Variants in SYT8 observed in about 807,000 individuals in gnomAD.
SYT8 encodes the protein synaptotagmin 8, also known as synaptotagmin-8.
In SYT8, 50 loss-of-function variants were observed where a neutral mutation model predicts 34.9. The observed-to-expected ratio is 1.43, with a 90% CI of 1.14 to 1.81. SYT8 has a LOEUF of 1.81. Among genes scored for constraint, SYT8 ranks in the 40% most tolerant of loss-of-function variants. SYT8 has a pLI of 0.00. For synonymous variants in SYT8, 255 were observed against 234.2 expected, an observed-to-expected ratio of 1.09 and a Z score of -0.81; for missense variants, 595 against 529.0, an observed-to-expected ratio of 1.12 and a Z score of -1.22.
rs574069606 is a variant in SYT8, at chr11:1,835,038, C to T, written c.-68C>T. The T allele has an allele frequency of 2.3e-4, 345 of 1,527,000 alleles. 4 individuals carry two copies. Among genetic ancestry groups the T allele is most frequent in the South Asian group, 1.5e-3 (136 of 88,348 alleles). 94.6% of individuals were successfully genotyped at this position (1,527,000 alleles called of 1,614,324 possible). On this transcript the variant is annotated 5_prime_UTR_variant, in exon 1 of 8. Coordinates refer to ENST00000341958, the MANE Select transcript of SYT8 (RefSeq NM_001394072.1). ...GTCAGATGGGGTAGCGGGCAGGGGC[C>T]GGAGGGGCCACCCTCCCAGCTGACC...
At chr11:1,834,494 C>T (rs1338813818), upstream of SYT8, 37 of 1,397,268 alleles carry the variant, frequency 2.6e-5, no homozygotes, top group South Asian at 3.7e-5. This position sits in a 1 kb window ranked among gnomAD's most constrained non-coding sequence, Gnocchi z 4.5. Context: ...TGAGCTCCGC[C>T]GACAGCCAGC....
At chr11:1,833,206 C>T (rs1002945694), upstream of SYT8, among the ~76,000 whole-genome samples, 1 of 152,170 alleles carries the variant, frequency 6.6e-6, no homozygotes, top group African/African-American at 2.4e-5. Context: ...CCGCCAGCCA[C>T]GTGTGGGACG....
chr11:1,834,787 C>T, upstream of SYT8: 1 of 718,226 alleles, frequency 1.4e-6, no homozygotes, highest in Non-Finnish European at 2.4e-6. This position sits in a 1 kb window ranked among gnomAD's most constrained non-coding sequence, Gnocchi z 4.5. Flanking sequence ...CAAGGGTGCT[C>T]TGAGGTCCGG....
Position 1,835,388 on chromosome 11 carries a change from C to G in SYT8, c.187C>G (p.His63Asp). The G allele has an allele frequency of 6.2e-7, 1 of 1,609,024 alleles. No individual in the cohort carries two copies. The highest frequency in any genetic ancestry group is 8.5e-7 in the Non-Finnish European group (1 of 1,179,372). Residue 63 changes from histidine to aspartate, a missense_variant, in exon 2 of 8, where the codon CAC (histidine) becomes GAC (aspartate). His to Asp is a moderately conservative substitution (Grantham distance 81). Transcript: ENST00000341958. ...TGCTGCCTGCTGCTGCTGCCGCCGCCACAGGAAGAAGCCCAGGGACAAGGA... is the reference window on the plus strand; with the variant it reads ...TGCTGCCTGCTGCTGCTGCCGCCGCGACAGGAAGAAGCCCAGGGACAAGGA... ...LCAACCCCRR[H>D]RKKPRDKESV... is the part of the protein sequence containing the mutation.
Position 1,837,305 on chromosome 11 carries a change from A to T in SYT8, c.1038A>T (p.Ala346=). ...CGGGGCAGCCCCTGCAGCACTGGGC[A>T]GACATGCTGGCCCACGCCCGGCGGC... ...RASGQPLQHW[A]DMLAHARRPI... The change falls in exon 8 of 8, where the codon GCA becomes GCT. Residue 346 remains alanine (A), a synonymous_variant. Coordinates refer to ENST00000341958, the MANE Select transcript of SYT8 (RefSeq NM_001394072.1). The T allele has an allele frequency of 6.3e-7, 1 of 1,592,310 alleles. No homozygotes were observed. Among genetic ancestry groups the T allele is most frequent in the South Asian group, 1.1e-5 (1 of 90,006 alleles).
At chr11:1,834,960 G>T, upstream of SYT8, 1 of 778,878 alleles carries the variant, frequency 1.3e-6, no homozygotes. This position sits in a 1 kb window ranked among gnomAD's most constrained non-coding sequence, Gnocchi z 4.5. Context: ...CCTCGCCCCT[G>T]GCCACCCCGT....
upstream of SYT8, chr11:1,834,845 T>C: frequency 1.6e-6 from 1 of 630,636 alleles, no homozygotes; most frequent in Non-Finnish European, 2.8e-6. The surrounding 1 kb of genome is among the most constrained non-coding windows in gnomAD (Gnocchi z 4.5). Context: ...TGGCTGGGGC[T>C]GGGGGCTGCT....
rs1278907236 is a variant in SYT8 at position 1,835,464 on chromosome 11, G to A, written c.258+5G>A. 3 of 1,609,070 alleles carry A rather than the reference G, an allele frequency of 1.9e-6. No homozygotes were observed. The African/African-American group carries it at 4.0e-5, about 21-fold the overall frequency. On this transcript the variant is annotated splice_donor_5th_base_variant and intron_variant, in intron 2 of 7. Transcript: ENST00000341958. ...GGCACCACCACCACCCACCTGGTGA[G>A]GAGCGGCTCCTTGCTCACTCAGTCC...
In SYT8 at chr11:1,837,353, G is replaced by T; in HGVS notation, c.1086G>T (p.Leu362=). ...ARRPIAQRHP[L]RPAREVDRML... ...GGCCCATTGCCCAGCGGCACCCCCTGCGGCCAGCCAGGGAGGTGGACCGCA... is the reference window on the plus strand; with the variant it reads ...GGCCCATTGCCCAGCGGCACCCCCTTCGGCCAGCCAGGGAGGTGGACCGCA... The change falls in exon 8 of 8, where the codon CTG becomes CTT. Residue 362 remains leucine, a synonymous_variant. Coordinates refer to ENST00000341958, the MANE Select transcript of SYT8 (RefSeq NM_001394072.1). 1 of 1,595,062 alleles carries T rather than the reference G, an allele frequency of 6.3e-7. No individual in the cohort carries two copies.
upstream of SYT8, among the ~76,000 whole-genome samples, chr11:1,833,089 C>G: frequency 6.6e-6 from 1 of 152,220 alleles, no homozygotes; most frequent in Non-Finnish European, 1.5e-5. Context: ...CCTTGAAACT[C>G]CACGTAGGGA....
At position 1,835,984 on chromosome 11, in the gene SYT8, G is replaced by A. The variant is rs755612356; in HGVS notation, c.357G>A (p.Glu119=). 2 of 1,606,090 alleles carry A rather than the reference G, an allele frequency of 1.2e-6. No homozygotes were observed. Among genetic ancestry groups the A allele is most frequent in the South Asian group, 2.2e-5 (2 of 90,210 alleles). ...TGGAGTTCGACTTTGGAAGCCAGGA[G>A]GTGAAGGGCCCCGCTGCGCAGGACC... is the stretch of plus-strand genomic sequence containing the variant. ...LSLEFDFGSQ[E]IRVGLRQAAD... Residue 119 remains glutamate, a splice_region_variant and synonymous_variant, in exon 3 of 8, where the codon GAG becomes GAA. Transcript: ENST00000341958.
Position 1,836,141 on chromosome 11 carries a change from A to C in SYT8, c.373A>C (p.Arg125=). 1 of 1,505,544 alleles carries C rather than the reference A, an allele frequency of 6.6e-7. No homozygotes were observed. The highest frequency in any genetic ancestry group is 8.9e-7 in the Non-Finnish European group (1 of 1,127,628). 93.3% of individuals were successfully genotyped at this position (1,505,544 alleles called of 1,614,324 possible). A position where few individuals can be genotyped will look rare whatever the true frequency, so the allele number is the denominator to read the frequency against. The stretch of plus-strand genomic sequence containing the variant: ...TGGCTCCCAGATCAGGGTGGGCCTG[A>C]GGCAGGCAGCCGACCTGAGGCCTGG... ...FGSQEIRVGL[R]QAADLRPGGT... Residue 125 remains arginine, a synonymous_variant, in exon 4 of 8, where the codon AGG becomes CGG. Transcript: ENST00000341958.
upstream of SYT8, chr11:1,834,444 G>A (rs540817217): frequency 1.6e-4 from 136 of 863,330 alleles, 1 homozygote; most frequent in South Asian, 1.8e-3. This position sits in a 1 kb window ranked among gnomAD's most constrained non-coding sequence, Gnocchi z 4.5. Flanking sequence ...GCGGCCCTGA[G>A]CCCCTGCCAG....
Position 1,835,190 on chromosome 11 carries a change from G to A in SYT8, c.85G>A (p.Gly29Arg), listed in dbSNP as rs760439196. The A allele has an allele frequency of 8.1e-6, 13 of 1,613,242 alleles. No individual in the cohort carries two copies. The highest frequency in any genetic ancestry group is 9.3e-6 in the Non-Finnish European group (11 of 1,179,878). ...TGGGCTTATTCCAGACCTTGTCGCC[G>A]GGACCCCCTGTGAGTTGTGGGATTC... is the stretch of plus-strand genomic sequence containing the variant. ...IPGLIPDLVA[G>R]TPWPRWALIA... Residue 29 changes from glycine (G) to arginine (R), a missense_variant, in exon 1 of 8, where the codon GGG becomes AGG. By Grantham distance (125) the Gly-to-Arg change is moderately radical (BLOSUM62 -2). Transcript: ENST00000341958.
At chr11:1,834,926 C>T (rs1173374805), upstream of SYT8, 3 of 656,210 alleles carry the variant, frequency 4.6e-6, no homozygotes, top group African/African-American at 5.5e-5. The surrounding 1 kb of genome is among the most constrained non-coding windows in gnomAD (Gnocchi z 4.5). Context: ...GCCTCCCTCC[C>T]TTCAGCTTCC....
intron 3 of SYT8, 59 bp downstream of exon 3, chr11:1,836,043 G>C: frequency 6.3e-7 from 1 of 1,584,548 alleles, no homozygotes; most frequent in Non-Finnish European, 8.6e-7. Flanking sequence ...AGGGTGACGG[G>C]GGAAGGGCAG....
chr11:1,835,790 G>T (rs781055658), intron 2 of SYT8, 96 bp from the exon 3 acceptor site: 413 of 1,109,544 alleles, frequency 3.7e-4, no homozygotes, highest in Non-Finnish European at 4.9e-4. Flanking sequence ...GAGGCGGGGG[G>T]TCTTGACCCA....
Position 1,837,513 on chromosome 11 carries a change from C to T in SYT8, c.*82C>T, listed in dbSNP as rs529972046. On this transcript the variant is annotated 3_prime_UTR_variant, in exon 8 of 8. Coordinates refer to ENST00000341958, the MANE Select transcript of SYT8 (RefSeq NM_001394072.1). ...GCAGGACCACTGCAATAAACGCCTT[C>T]TCCTGCCACTGTGTGTCCGGCTGGA... 3.2e-6 allele frequency: 5 copies of T among 1,547,262 alleles called. No homozygotes were observed. The South Asian group carries it at 3.5e-5, about 11-fold the overall frequency.
rs1846908736 is a variant in SYT8 at position 1,836,154 on chromosome 11, A to G, written c.386A>G (p.Asp129Gly). 12 of 1,509,492 alleles carry G rather than the reference A, an allele frequency of 7.9e-6. No individual in the cohort carries two copies. Among genetic ancestry groups the G allele is most frequent in the Non-Finnish European group, 1.1e-5 (12 of 1,130,186 alleles). 93.5% of individuals were successfully genotyped at this position (1,509,492 alleles called of 1,614,324 possible). Residue 129 changes from aspartate (D) to glycine (G), a missense_variant, in exon 4 of 8, where the codon GAC (aspartate) becomes GGC (glycine). Asp to Gly is a moderately conservative substitution (Grantham distance 94). Transcript: ENST00000341958. Reference sequence around the variant, plus strand: ...AGGGTGGGCCTGAGGCAGGCAGCCGACCTGAGGCCTGGGGGCACCGTGGAC... The same window carrying G: ...AGGGTGGGCCTGAGGCAGGCAGCCGGCCTGAGGCCTGGGGGCACCGTGGAC... The part of the protein sequence containing the change: ...EIRVGLRQAA[D>G]LRPGGTVDPY...
Sources: allele counts gnomAD v4.1 joint callset (sites outside exome capture counted in the v4.1 genomes callset), GRCh38; gene constraint gnomAD v4.1.1; non-coding constraint Gnocchi (gnomAD v3.1); transcripts MANE v1.5; gene names NCBI Gene and HGNC (gene_info 2026-07-23, HGNC 2026-07-21).